Variants in GALNT10 observed in about 807,000 individuals in gnomAD.
The protein encoded by GALNT10 is polypeptide N-acetylgalactosaminyltransferase 10.
Under a neutral mutation model 75.0 loss-of-function variants are expected in GALNT10, and 41 were observed. The observed-to-expected ratio is 0.55, with a 90% CI of 0.43 to 0.71. The LOEUF (loss-of-function observed/expected upper bound fraction) is 0.71. GALNT10 is among the 30% of genes least tolerant of loss of function. The probability of loss-of-function intolerance (pLI) is 0.00; values close to 1 mark genes in which losing one functional copy is unlikely to be tolerated. For synonymous variants in GALNT10, 302 were observed against 313.0 expected, an observed-to-expected ratio of 0.96 and a Z score of 0.37; for missense variants, 727 against 818.5, an observed-to-expected ratio of 0.89 and a Z score of 1.36.
chr5:154,193,973 C>T (rs1328180650), intron 1 of GALNT10, among the ~76,000 whole-genome samples: 1 of 152,216 alleles, frequency 6.6e-6, no homozygotes, highest in African/African-American at 2.4e-5. Flanking sequence ...AAATGCCAGC[C>T]TTGAAGACAT....
chr5:154,394,036 A>G (rs1755964111), intron 7 of GALNT10, among the ~76,000 whole-genome samples: 1 of 152,130 alleles, frequency 6.6e-6, no homozygotes, highest in Non-Finnish European at 1.5e-5. Flanking sequence ...CTGCTCCAAG[A>G]GGCAGAGGTG....
rs1395104429 is a variant in GALNT10, at chr5:154,417,213, T to A, written c.*241T>A. ...CCACAGGGAGCAGAGACTGCTTTAA[T>A]CCCTGCTGACATCACGGAAAAGCAA... On this transcript the variant is annotated 3_prime_UTR_variant, in exon 12 of 12. Transcript: ENST00000297107. 2.1e-5 allele frequency: 11 copies of A among 513,830 alleles called. No homozygotes were observed. Among genetic ancestry groups the A allele is most frequent in the Non-Finnish European group, 3.1e-5 (9 of 285,758 alleles). The allele number at this position is 513,830 out of a possible 1,614,324, so 31.8% of individuals were successfully genotyped here.
At chr5:154,326,342 G>A (rs1210303572) in intron 3 of GALNT10, among the ~76,000 whole-genome samples, 1 of 152,174 alleles carries the variant, frequency 6.6e-6, no homozygotes, top group Non-Finnish European at 1.5e-5. Context: ...TCATTTGACA[G>A]GTCTTTACAA....
intron 4 of GALNT10, among the ~76,000 whole-genome samples, chr5:154,357,691 G>T (rs1163126110): frequency 6.6e-6 from 1 of 152,180 alleles, no homozygotes; most frequent in Non-Finnish European, 1.5e-5. Flanking sequence ...TTCCCACGAG[G>T]CCACAGGTGG....
At chr5:154,318,447 A>G (rs890617365) in intron 3 of GALNT10, among the ~76,000 whole-genome samples, 1 of 9,654 alleles carries the variant, frequency 1.0e-4, no homozygotes, top group African/African-American at 2.6e-4. Context: ...AAATACTAAT[A>G]TATATATATA....
At position 154,323,140 on chromosome 5, in the gene GALNT10, C is replaced by T. The variant is rs139410603; in HGVS notation, c.402-6432C>T. On this transcript the variant is annotated intron_variant, in intron 3 of 11. Coordinates refer to ENST00000297107, the MANE Select transcript of GALNT10 (RefSeq NM_198321.4). ...GTAACGGGCCAGATAGTAAATGTTACGGGCTTTGCGGGCCACATGGGGTCT... is the reference window on the plus strand; with the variant it reads ...GTAACGGGCCAGATAGTAAATGTTATGGGCTTTGCGGGCCACATGGGGTCT... Among the ~76,000 whole-genome samples the T allele has an allele frequency of 2.9e-3, 437 of 152,288 alleles. 6 individuals carry two copies. Among genetic ancestry groups the T allele is most frequent in the African/African-American group, 9.7e-3 (404 of 41,548 alleles).
At chr5:154,369,949 T>C (rs912970759) in intron 4 of GALNT10, among the ~76,000 whole-genome samples, 3 of 152,256 alleles carry the variant, frequency 2.0e-5, no homozygotes, top group Non-Finnish European at 2.9e-5. Context: ...AGTAGAGCTC[T>C]TCTACTTTTG....
intron 1 of GALNT10, among the ~76,000 whole-genome samples, chr5:154,269,926 A>G (rs1290889440): frequency 6.6e-6 from 1 of 152,142 alleles, no homozygotes; most frequent in African/African-American, 2.4e-5. Flanking sequence ...TGGGCACTGA[A>G]GCTAGCAGAA....
chr5:154,380,978 A>T (rs1029214834), intron 6 of GALNT10, among the ~76,000 whole-genome samples: 2 of 152,152 alleles, frequency 1.3e-5, no homozygotes, highest in East Asian at 3.9e-4. Context: ...TACTAAGCAC[A>T]TTACCCTCTG....
chr5:154,337,602 A>C (rs1026481852), intron 4 of GALNT10: 56 of 841,632 alleles, frequency 6.7e-5, no homozygotes, highest in Non-Finnish European at 9.8e-5. Flanking sequence ...TCCTCCCTTC[A>C]TGGGTCCAAA....
chr5:154,285,426 C>A (rs559743873), intron 1 of GALNT10, among the ~76,000 whole-genome samples: 2 of 152,276 alleles, frequency 1.3e-5, no homozygotes, highest in South Asian at 4.1e-4. Context: ...CATGTGATGA[C>A]ACAGACACCA....
chr5:154,376,284 G>A lies in GALNT10; in HGVS notation c.576G>A (p.Leu192=). ...TCCTCTTCTGTCTCATAGAGCACCT[G>A]AAGAAGCCTCTTGAAGACTACATGG... ...LVDDFSDREH[L]KKPLEDYMAL... is the part of the protein sequence containing the mutation. Residue 192 remains leucine, a synonymous_variant, in exon 5 of 12, where the codon CTG becomes CTA. Transcript: ENST00000297107. The surrounding 1 kb of genome is among the most constrained non-coding windows in gnomAD (Gnocchi z 4.1). 1.9e-6 allele frequency: 3 copies of A among 1,608,116 alleles called. No individual in the cohort carries two copies. Among genetic ancestry groups the A allele is most frequent in the Non-Finnish European group, 2.6e-6 (3 of 1,175,424 alleles).
chr5:154,395,844 G>A (rs879826433), intron 7 of GALNT10, among the ~76,000 whole-genome samples: 6 of 152,176 alleles, frequency 3.9e-5, no homozygotes, highest in South Asian at 2.1e-4. Context: ...TAGCATCACC[G>A]GGGAACTTAT....
At position 154,342,416 on chromosome 5, in the gene GALNT10, C is replaced by T. The variant is rs546298984; in HGVS notation, c.568+12678C>T. ...TCTTAACTCTTATCCTTATCAGCAT[C>T]GACTGAAGAGCTTGTTAAATGCAGG... On this transcript the variant is annotated intron_variant, in intron 4 of 11. Coordinates refer to ENST00000297107, the MANE Select transcript of GALNT10 (RefSeq NM_198321.4). Among the ~76,000 whole-genome samples the T allele has an allele frequency of 2.1e-4, 32 of 152,298 alleles. 1 individual carries two copies. The South Asian group carries it at 5.4e-3, about 26-fold the overall frequency.
intron 1 of GALNT10, among the ~76,000 whole-genome samples, chr5:154,278,694 T>G (rs999091463): frequency 2.6e-5 from 4 of 152,194 alleles, no homozygotes; most frequent in Non-Finnish European, 5.9e-5. Flanking sequence ...TAACTCCCTG[T>G]AAACAACAAT....
At chr5:154,297,359 C>T (rs987524504) in intron 2 of GALNT10, among the ~76,000 whole-genome samples, 1 of 152,218 alleles carries the variant, frequency 6.6e-6, no homozygotes, top group East Asian at 1.9e-4. Flanking sequence ...TCATTTATGG[C>T]AATTTTGATT....
At position 154,225,377 on chromosome 5, in the gene GALNT10, G is replaced by C. The variant is rs546820392; in HGVS notation, c.159+34352G>C. On this transcript the variant is annotated intron_variant, in intron 1 of 11. Transcript: ENST00000297107. ...AAAGTGCTGGGGATTACAGGCGTGA[G>C]CCACTGCGCCCGGCCTTTTTTTTTT... is the stretch of plus-strand genomic sequence containing the variant. Among the ~76,000 whole-genome samples, 687 of 150,712 alleles carry C rather than the reference G, an allele frequency of 4.6e-3. 5 individuals are homozygous for C. The highest frequency in any genetic ancestry group is 0.016 in the African/African-American group (660 of 41,000).
Position 154,193,448 on chromosome 5 carries a change from C to T in GALNT10, c.159+2423C>T, listed in dbSNP as rs547128079. Among the ~76,000 whole-genome samples the T allele has an allele frequency of 7.2e-5, 11 of 152,344 alleles. No homozygotes were observed. The South Asian group carries it at 1.9e-3, about 26-fold the overall frequency. ...CTCAGAGTGATGGTGTTCCATCCCTCATCCCAGTGTACTGGAACATACATG... is the reference window on the plus strand; with the variant it reads ...CTCAGAGTGATGGTGTTCCATCCCTTATCCCAGTGTACTGGAACATACATG... On this transcript the variant is annotated intron_variant, in intron 1 of 11. Coordinates refer to ENST00000297107, the MANE Select transcript of GALNT10 (RefSeq NM_198321.4).
At chr5:154,255,299 C>T (rs965096360) in intron 1 of GALNT10, among the ~76,000 whole-genome samples, 6 of 151,954 alleles carry the variant, frequency 3.9e-5, no homozygotes, top group Non-Finnish European at 8.8e-5. Context: ...AAATCTGGTA[C>T]GTATGTGAAA....
Sources: allele counts gnomAD v4.1 joint callset (sites outside exome capture counted in the v4.1 genomes callset), GRCh38; gene constraint gnomAD v4.1.1; non-coding constraint Gnocchi (gnomAD v3.1); transcripts MANE v1.5; gene names NCBI Gene and HGNC (gene_info 2026-07-23, HGNC 2026-07-21).